CUL5: variants seen among roughly 807,000 people sequenced by gnomAD.
CUL5 encodes the protein cullin 5, also known as cullin-5.
CUL5 carries 26 observed loss-of-function variants against 108.8 expected under a neutral mutation model. That is an observed-to-expected ratio of 0.24 (90% confidence interval 0.18 to 0.33). The LOEUF is 0.33. Ranked by LOEUF, CUL5 falls within the 10% of genes least tolerant of loss-of-function variation. The probability of loss-of-function intolerance (pLI) is 1.00; values close to 1 mark genes in which losing one functional copy is unlikely to be tolerated. For missense variants in CUL5, 524 were observed against 909.2 expected, an observed-to-expected ratio of 0.58 and a Z score of 5.45; for synonymous variants, 334 against 298.0, an observed-to-expected ratio of 1.12 and a Z score of -1.25.
At chr11:108,065,052 G>C (rs958935078) in intron 7 of CUL5, among the ~76,000 whole-genome samples, 3 of 151,820 alleles carry the variant, frequency 2.0e-5, no homozygotes, top group Non-Finnish European at 4.4e-5. Flanking sequence ...TTGAGACGGA[G>C]TCTTGCTCTG....
rs542992830 is a variant in CUL5 at position 108,095,710 on chromosome 11, G to A, written c.1905+19G>A. 4 of 1,600,274 alleles carry A rather than the reference G, an allele frequency of 2.5e-6. No homozygotes were observed. The highest frequency in any genetic ancestry group is 1.1e-5 in the South Asian group (1 of 89,016). On this transcript the variant is annotated intron_variant, in intron 16 of 18. Coordinates refer to ENST00000393094, the MANE Select transcript of CUL5 (RefSeq NM_003478.6). The stretch of plus-strand genomic sequence containing the variant: ...TTTATGGGTTGGTTTATGTTTTTTT[G>A]TTTTTAAGACTGTATCCTCTCATGT...
chr11:108,059,158 G>A (rs1251983921), intron 7 of CUL5, among the ~76,000 whole-genome samples: 2 of 152,106 alleles, frequency 1.3e-5, no homozygotes, highest in Non-Finnish European at 2.9e-5. Context: ...GACAGTAGGC[G>A]CATGCAACCA....
chr11:108,057,115 T>A (rs191370845), intron 7 of CUL5, among the ~76,000 whole-genome samples: 2 of 152,352 alleles, frequency 1.3e-5, no homozygotes, highest in African/African-American at 4.8e-5. Context: ...ATTAAACTTA[T>A]GAACTTTCAA....
At chr11:108,100,227 A>T (rs187278511) in intron 18 of CUL5, among the ~76,000 whole-genome samples, 1 of 152,322 alleles carries the variant, frequency 6.6e-6, no homozygotes, top group Admixed American at 6.5e-5. Context: ...ATAAAACAGT[A>T]TGGCAAGAAG....
At chr11:108,099,834 TCTGA>T (rs1175542337) in intron 18 of CUL5, among the ~76,000 whole-genome samples, 2 of 152,102 alleles carry the variant, frequency 1.3e-5, no homozygotes, top group African/African-American at 4.8e-5. Flanking sequence ...TACTTTTATG[TCTGA>T]CTTTTTTTGC....
At position 108,026,766 on chromosome 11, in the gene CUL5, G is replaced by T. The variant is rs189283450; in HGVS notation, c.25-7036G>T. 1.8e-3 allele frequency among the ~76,000 whole-genome samples: 281 copies of T among 152,106 alleles called. 1 individual carries two copies. The highest frequency in any genetic ancestry group is 0.015 in the South Asian group (74 of 4,812). On this transcript the variant is annotated intron_variant, in intron 1 of 18. Transcript: ENST00000393094. ...AGCACTTTGGGAGGCTGAGGTGGGC[G>T]GATCACGAGGTCAGGAGTTCGAGAC...
chr11:108,080,924 G>T (rs555419199), intron 11 of CUL5, among the ~76,000 whole-genome samples: 1 of 151,512 alleles, frequency 6.6e-6, no homozygotes, highest in South Asian at 2.1e-4. Context: ...TTTTGGTTTG[G>T]TTTCATATTT....
At chr11:108,102,944 C>T (rs187046908) in intron 18 of CUL5, among the ~76,000 whole-genome samples, 4 of 151,488 alleles carry the variant, frequency 2.6e-5, no homozygotes, top group Non-Finnish European at 4.4e-5. Flanking sequence ...CACAGACACA[C>T]GCCACCATGC....
intron 1 of CUL5, among the ~76,000 whole-genome samples, chr11:108,028,333 A>G (rs1031752273): frequency 1.3e-5 from 2 of 152,088 alleles, no homozygotes; most frequent in Non-Finnish European, 2.9e-5. Context: ...CCATTTTCTC[A>G]TATCTCAGAT....
At position 108,009,281 on chromosome 11, in the gene CUL5, C is replaced by T; in HGVS notation, c.-68C>T. ...TGGGCCCTGGTGGGAGCTCCGGCCTCCGGTCAAGGCCTGGCCGGGAGCGCC... is the reference window on the plus strand; with the variant it reads ...TGGGCCCTGGTGGGAGCTCCGGCCTTCGGTCAAGGCCTGGCCGGGAGCGCC... On this transcript the variant is annotated 5_prime_UTR_variant, in exon 1 of 19. Coordinates refer to ENST00000393094, the MANE Select transcript of CUL5 (RefSeq NM_003478.6). 1 of 1,586,996 alleles carries T rather than the reference C, an allele frequency of 6.3e-7. No individual in the cohort carries two copies. The highest frequency in any genetic ancestry group is 8.6e-7 in the Non-Finnish European group (1 of 1,158,196).
Position 108,009,277 on chromosome 11 carries a change from G to GC in CUL5, c.-70dup. ...GCCCTGGGCCCTGGTGGGAGCTCCG[G>GC]CCTCCGGTCAAGGCCTGGCCGGGAG... On this transcript the variant is annotated 5_prime_UTR_variant, in exon 1 of 19. An upstream open reading frame in the 5' UTR gains an earlier in-frame stop. Coordinates refer to ENST00000393094, the MANE Select transcript of CUL5 (RefSeq NM_003478.6). The GC allele has an allele frequency of 6.4e-7, 1 of 1,574,524 alleles. No individual in the cohort carries two copies. The highest frequency in any genetic ancestry group is 8.7e-7 in the Non-Finnish European group (1 of 1,147,688).
At chr11:108,099,823 G>A (rs1864605037) in intron 18 of CUL5, among the ~76,000 whole-genome samples, 1 of 151,370 alleles carries the variant, frequency 6.6e-6, no homozygotes. Flanking sequence ...CAGACAGTAT[G>A]TACTTTTATG....
rs1266730281 is a variant in CUL5, at chr11:108,106,316, A to G, written c.*1932A>G. 2 of 152,584 alleles carry G rather than the reference A, an allele frequency of 1.3e-5. No homozygotes were observed. Among genetic ancestry groups the G allele is most frequent in the African/African-American group, 2.4e-5 (1 of 41,446 alleles). 9.5% of individuals were successfully genotyped at this position (152,584 alleles called of 1,614,324 possible). On this transcript the variant is annotated 3_prime_UTR_variant, in exon 19 of 19. Transcript: ENST00000393094. ...TTTAGGTTTGTTGTTTTAAACCATAATTGTTCTCAGAACTTTTTTGGAACT... is the reference window on the plus strand; with the variant it reads ...TTTAGGTTTGTTGTTTTAAACCATAGTTGTTCTCAGAACTTTTTTGGAACT...
At chr11:108,091,817 A>T (rs1864371008) in intron 13 of CUL5, among the ~76,000 whole-genome samples, 1 of 151,988 alleles carries the variant, frequency 6.6e-6, no homozygotes, top group Admixed American at 6.6e-5. Context: ...GCATGCAAAG[A>T]TACTCAACAT....
chr11:108,093,357 C>T (rs998796353), intron 13 of CUL5, among the ~76,000 whole-genome samples: 2 of 152,144 alleles, frequency 1.3e-5, no homozygotes, highest in African/African-American at 4.8e-5. Flanking sequence ...AGGATCACTT[C>T]TTCTAGGGTA....
chr11:108,070,800 A>T (rs1411260881), intron 8 of CUL5, among the ~76,000 whole-genome samples: 1 of 152,110 alleles, frequency 6.6e-6, no homozygotes, highest in Non-Finnish European at 1.5e-5. Flanking sequence ...AGGTTTTATT[A>T]TATCTAACTG....
At chr11:108,090,039 C>A (rs200647271) in intron 13 of CUL5, among the ~76,000 whole-genome samples, 15 of 148,432 alleles carry the variant, frequency 1.0e-4, no homozygotes, top group South Asian at 4.2e-4. Flanking sequence ...GACTCCATTT[C>A]AAAAAAAAAA....
chr11:108,024,348 A>G (rs764671922), intron 1 of CUL5, among the ~76,000 whole-genome samples: 2 of 152,218 alleles, frequency 1.3e-5, no homozygotes, highest in Non-Finnish European at 2.9e-5. Context: ...ACTTGAGGCC[A>G]AGAGTTTGAA....
intron 4 of CUL5, among the ~76,000 whole-genome samples, chr11:108,050,576 C>T (rs570854282): frequency 6.6e-6 from 1 of 152,246 alleles, no homozygotes; most frequent in African/African-American, 2.4e-5. Flanking sequence ...CCATGTTGGC[C>T]AGGCTCGTCT....
Sources: allele counts gnomAD v4.1 joint callset (sites outside exome capture counted in the v4.1 genomes callset), GRCh38; gene constraint gnomAD v4.1.1; transcripts MANE v1.5; gene names NCBI Gene and HGNC (gene_info 2026-07-23, HGNC 2026-07-21).